ZCCHC2: variants seen among roughly 807,000 people sequenced by gnomAD.
ZCCHC2 encodes the protein zinc finger CCHC domain-containing protein 2.
A neutral mutation model predicts 103.6 loss-of-function variants in ZCCHC2; 39 were observed. That is an observed-to-expected ratio of 0.38 (90% CI 0.29 to 0.49). The LOEUF is 0.49. Among genes scored for constraint, ZCCHC2 ranks in the 20% least tolerant of loss-of-function variants. The pLI is 0.96. For missense variants in ZCCHC2, 1,483 were observed against 1,491.0 expected (o/e 0.99, Z 0.09); for synonymous variants, 687 against 608.9 (o/e 1.13, Z -1.89).
At position 62,563,150 on chromosome 18, in the gene ZCCHC2, T is replaced by C. The variant is rs1568553408; in HGVS notation, c.1686+6T>C. The C allele has an allele frequency of 6.2e-7, 1 of 1,611,042 alleles. No individual in the cohort carries two copies. Among genetic ancestry groups the C allele is most frequent in the Non-Finnish European group, 8.5e-7 (1 of 1,177,676 alleles). ...GTGTGACCTCGGCTGACCAGGTGTGTGGGGAGTTTGTTTTGGAGCTATATA... is the reference window on the plus strand; with the variant it reads ...GTGTGACCTCGGCTGACCAGGTGTGCGGGGAGTTTGTTTTGGAGCTATATA... On this transcript the variant is annotated splice_donor_region_variant and intron_variant, in intron 9 of 13. Transcript: ENST00000269499.
chr18:62,542,504 A>T lies in ZCCHC2; in HGVS notation c.1058A>T (p.His353Leu), dbSNP rs1456924287. 1 of 1,560,726 alleles carries T rather than the reference A, an allele frequency of 6.4e-7. No individual in the cohort carries two copies. ...APHRAQREAV[H>L]IEKIMLKGVQ... Reference sequence around the variant, plus strand: ...TGTGTTTTTTTTCTTTCAGCTGTACACATTGAGAAGATAATGTTGAAAGGA... The same window carrying T: ...TGTGTTTTTTTTCTTTCAGCTGTACTCATTGAGAAGATAATGTTGAAAGGA... The change falls in exon 3 of 14, where the codon CAC becomes CTC. Residue 353 changes from histidine (H) to leucine (L), a missense_variant. His to Leu is a moderately conservative substitution (Grantham distance 99). This residue lies in a region of ZCCHC2 where 568 missense variants were observed against 525.1 expected (regional missense o/e 1.08). Transcript: ENST00000269499.
At chr18:62,561,522 T>G (rs1916116683) in intron 8 of ZCCHC2, among the ~76,000 whole-genome samples, 1 of 152,214 alleles carries the variant, frequency 6.6e-6, no homozygotes, top group Non-Finnish European at 1.5e-5. Context: ...GCCTCCATCC[T>G]TTTTGGGTCT....
chr18:62,563,096 C>A lies in ZCCHC2; in HGVS notation c.1638C>A (p.Ser546Arg), dbSNP rs780073633. 1 of 1,613,948 alleles carries A rather than the reference C, an allele frequency of 6.2e-7. No homozygotes were observed. Among genetic ancestry groups the A allele is most frequent in the Admixed American group, 1.7e-5 (1 of 60,024 alleles). ...QNGIVDWRKQ[S>R]CTTIQHPEHC... ...GAATTGTGGATTGGAGGAAGCAAAG[C>A]TGTACCACCATTCAACACCCAGAGC... The change falls in exon 9 of 14, where the codon AGC (serine) becomes AGA (arginine). Residue 546 changes from serine (S) to arginine (R), a missense_variant. Transcript: ENST00000269499.
chr18:62,570,338 C>G (rs1013719391), intron 12 of ZCCHC2, 107 bp downstream of exon 12: 2 of 1,343,784 alleles, frequency 1.5e-6, no homozygotes, highest in African/African-American at 3.0e-5. Context: ...TTTTATGATC[C>G]TATAAATGCC....
intron 4 of ZCCHC2, among the ~76,000 whole-genome samples, chr18:62,547,153 C>G (rs1915448791): frequency 6.6e-6 from 1 of 151,874 alleles, no homozygotes; most frequent in Admixed American, 6.6e-5. Flanking sequence ...GGTGAAACCC[C>G]ATGTCTACTA....
chr18:62,524,299 G>A lies in ZCCHC2; in HGVS notation c.875G>A (p.Arg292His). The A allele has an allele frequency of 6.5e-7, 1 of 1,548,792 alleles. No homozygotes were observed. Among genetic ancestry groups the A allele is most frequent in the Non-Finnish European group, 8.7e-7 (1 of 1,146,346 alleles). The change falls in exon 1 of 14, where the codon CGC becomes CAC. Residue 292 changes from arginine to histidine, a missense_variant. Arg to His is a conservative substitution (Grantham distance 29). Transcript: ENST00000269499. ...TTGGAGAGGCTCCGCGCCGCGCTCCGCGGGGGCCCCGAGGACGCGGAGGTG... is the reference window on the plus strand; with the variant it reads ...TTGGAGAGGCTCCGCGCCGCGCTCCACGGGGGCCCCGAGGACGCGGAGGTG... ...EHLERLRAALRGGPEDAEVEV... is the reference protein window; with the variant it reads ...EHLERLRAALHGGPEDAEVEV...
Position 62,578,130 on chromosome 18 carries a change from A to G in ZCCHC2, c.*1551A>G, listed in dbSNP as rs1198734633. 2.0e-5 allele frequency: 3 copies of G among 149,770 alleles called. No individual in the cohort carries two copies. The highest frequency in any genetic ancestry group is 4.5e-5 in the Non-Finnish European group (3 of 67,282). The allele number at this position is 149,770 out of a possible 1,614,324, so 9.3% of individuals were successfully genotyped here. A position where few individuals can be genotyped will look rare whatever the true frequency, so the allele number is the denominator to read the frequency against. On this transcript the variant is annotated 3_prime_UTR_variant, in exon 14 of 14. Transcript: ENST00000269499. ...AGTAGCATTTATATTTATAGCACCAATGTACATTTTGAAACTTTCTTTCAG... is the reference window on the plus strand; with the variant it reads ...AGTAGCATTTATATTTATAGCACCAGTGTACATTTTGAAACTTTCTTTCAG...
At chr18:62,558,874 G>A (rs1915999906) in intron 7 of ZCCHC2, 104 bp downstream of exon 7, 1 of 659,786 alleles carries the variant, frequency 1.5e-6, no homozygotes, top group Middle Eastern at 2.7e-4. Context: ...GAATGTGACA[G>A]AGGTTGCATT....
intron 1 of ZCCHC2, among the ~76,000 whole-genome samples, chr18:62,534,516 GGTGTGAGTCAGATGTAGAATTGGGGTA>G (rs1914837542): frequency 6.6e-6 from 1 of 152,102 alleles, no homozygotes; most frequent in South Asian, 2.1e-4. Context: ...CTTGAGGGGT[GGTGTGAGTCAGATGTAGAATTGGGGTA>G]GTGCCTTGTG....
At chr18:62,537,496 G>A (rs1337097634) in intron 1 of ZCCHC2, among the ~76,000 whole-genome samples, 1 of 152,144 alleles carries the variant, frequency 6.6e-6, no homozygotes, top group Admixed American at 6.5e-5. Context: ...TTATCAACTT[G>A]ACTATTCTAG....
At chr18:62,571,200 C>A (rs1261811188) in intron 12 of ZCCHC2, among the ~76,000 whole-genome samples, 1 of 143,378 alleles carries the variant, frequency 7.0e-6, no homozygotes, top group Non-Finnish European at 1.6e-5. Flanking sequence ...AGAGTGAGTG[C>A]TAGCTGCCAG....
intron 6 of ZCCHC2, among the ~76,000 whole-genome samples, chr18:62,558,377 A>G (rs998571906): frequency 3.9e-5 from 6 of 152,224 alleles, no homozygotes; most frequent in Admixed American, 1.3e-4. Context: ...AATCTTTACC[A>G]CACCACAGAT....
chr18:62,555,549 C>T (rs1371123487), intron 5 of ZCCHC2, among the ~76,000 whole-genome samples: 1 of 152,218 alleles, frequency 6.6e-6, no homozygotes, highest in Non-Finnish European at 1.5e-5. Flanking sequence ...TGGCTCACGC[C>T]TGTAATCCCA....
intron 11 of ZCCHC2, among the ~76,000 whole-genome samples, chr18:62,567,638 T>C (rs776969265): frequency 4.4e-4 from 67 of 152,140 alleles, no homozygotes; most frequent in East Asian, 1.3e-3. Flanking sequence ...TTACCTCATA[T>C]AGAGCGTTAA....
At chr18:62,572,563 C>T (rs1019067077) in intron 12 of ZCCHC2, among the ~76,000 whole-genome samples, 4 of 152,154 alleles carry the variant, frequency 2.6e-5, no homozygotes, top group Non-Finnish European at 2.9e-5. Flanking sequence ...GATGAAAAGT[C>T]TCCTTTGAAA....
intron 1 of ZCCHC2, among the ~76,000 whole-genome samples, chr18:62,527,507 A>G (rs1272955252): frequency 6.6e-6 from 1 of 152,236 alleles, no homozygotes; most frequent in African/African-American, 2.4e-5. Flanking sequence ...TAACATTTCT[A>G]GAGTTTTTCT....
chr18:62,570,038 T>C, intron 11 of ZCCHC2, 65 bp from the exon 12 acceptor site: 2 of 1,432,558 alleles, frequency 1.4e-6, no homozygotes, highest in Non-Finnish European at 1.9e-6. Flanking sequence ...TTTCTAATGA[T>C]TCAACTTAGA....
Position 62,564,982 on chromosome 18 carries a change from A to G in ZCCHC2, c.1752-20A>G. 2 of 1,539,736 alleles carry G rather than the reference A, an allele frequency of 1.3e-6. No individual in the cohort carries two copies. Among genetic ancestry groups the G allele is most frequent in the Non-Finnish European group, 9.0e-7 (1 of 1,113,044 alleles). ...TAGATAACCTTATTAAAATGTTGGC[A>G]ATATGTTCATTTGGTTTAGGGAGAA... On this transcript the variant is annotated intron_variant, in intron 10 of 13. Transcript: ENST00000269499.
chr18:62,560,079 C>T (rs1452849700), intron 7 of ZCCHC2, among the ~76,000 whole-genome samples: 1 of 152,148 alleles, frequency 6.6e-6, no homozygotes, highest in Non-Finnish European at 1.5e-5. Context: ...AAAACTTGCA[C>T]TAGAATGTTT....
Sources: allele counts gnomAD v4.1 joint callset (sites outside exome capture counted in the v4.1 genomes callset), GRCh38; gene constraint gnomAD v4.1.1; regional missense constraint gnomAD v4.1.1; transcripts MANE v1.5; gene names NCBI Gene and HGNC (gene_info 2026-07-23, HGNC 2026-07-21).